KLHL5: variants seen among roughly 807,000 people sequenced by gnomAD.
The protein encoded by KLHL5 is kelch like family member 5.
Under a neutral mutation model 77.7 loss-of-function variants are expected in KLHL5, and 48 were observed. That is an observed-to-expected ratio of 0.62 (90% CI 0.49 to 0.79). KLHL5 has a LOEUF of 0.79. KLHL5 is among the 30% of genes least tolerant of loss of function. KLHL5 has a pLI of 0.00. For synonymous variants in KLHL5, 260 were observed against 297.0 expected, an observed-to-expected ratio of 0.88 and a Z score of 1.28; for missense variants, 723 against 859.7, an observed-to-expected ratio of 0.84 and a Z score of 1.99.
upstream of KLHL5, among the ~76,000 whole-genome samples, chr4:39,059,903 TAAAAC>T (rs1717270361): frequency 6.6e-6 from 1 of 151,906 alleles, no homozygotes; most frequent in African/African-American, 2.4e-5. Context: ...TGTCTTAAAA[TAAAAC>T]AAAATAAAAT....
chr4:39,091,005 T>A (rs1316243003), intron 5 of KLHL5, among the ~76,000 whole-genome samples: 3 of 110,744 alleles, frequency 2.7e-5, no homozygotes, highest in Non-Finnish European at 5.7e-5. Flanking sequence ...TTTTTTTTTT[T>A]AAGACAGAGT....
chr4:39,129,700 C>CT (rs1723725226), downstream of KLHL5, among the ~76,000 whole-genome samples: 1 of 152,176 alleles, frequency 6.6e-6, no homozygotes, highest in Non-Finnish European at 1.5e-5. The surrounding 1 kb of genome is among the most constrained non-coding windows in gnomAD (Gnocchi z 4.2). Context: ...ATTGTTCCAT[C>CT]TTTATGTCCT....
chr4:39,044,934 G>C (rs1258560591), upstream of KLHL5: 1 of 969,896 alleles, frequency 1.0e-6, no homozygotes, highest in Non-Finnish European at 1.2e-6. Context: ...CTCGCTCCGG[G>C]CCGGCCGGCG....
At chr4:39,051,966 T>C (rs1180993321) in intron 1 of KLHL5, among the ~76,000 whole-genome samples, 2 of 152,158 alleles carry the variant, frequency 1.3e-5, no homozygotes, top group African/African-American at 4.8e-5. Flanking sequence ...GTACCTAGTT[T>C]TACAGATGGC....
the KLHL5 span, among the ~76,000 whole-genome samples, chr4:39,134,666 T>A: frequency 6.6e-6 from 1 of 152,230 alleles, no homozygotes; most frequent in African/African-American, 2.4e-5. Flanking sequence ...GCCTATGGTG[T>A]GCCTGAATGG....
upstream of KLHL5, among the ~76,000 whole-genome samples, chr4:39,060,766 G>A (rs186924639): frequency 2.3e-4 from 35 of 152,308 alleles, 1 homozygote; most frequent in Admixed American, 1.9e-3. Flanking sequence ...ACAAAGGTGA[G>A]AGGAGAGGGG....
At chr4:39,127,593 A>G (rs946784921), downstream of KLHL5, among the ~76,000 whole-genome samples, 3 of 152,080 alleles carry the variant, frequency 2.0e-5, no homozygotes, top group Non-Finnish European at 4.4e-5. Flanking sequence ...AGCTGGGACT[A>G]CAGGCATGCA....
chr4:39,095,960 A>G (rs1181256847), intron 5 of KLHL5, among the ~76,000 whole-genome samples: 2 of 152,074 alleles, frequency 1.3e-5, no homozygotes, highest in Non-Finnish European at 2.9e-5. Flanking sequence ...GCTGCACACC[A>G]GGTTGTTTAT....
chr4:39,130,500 G>T (rs1041686019), downstream of KLHL5, among the ~76,000 whole-genome samples: 6 of 152,146 alleles, frequency 3.9e-5, no homozygotes, highest in Admixed American at 6.6e-5. Context: ...TTTATTTATG[G>T]CCAGTTTTGG....
chr4:39,132,607 C>G, the KLHL5 span, among the ~76,000 whole-genome samples: 1 of 144,422 alleles, frequency 6.9e-6, no homozygotes, highest in Non-Finnish European at 1.5e-5. Context: ...GACCTCATCT[C>G]AAAGAAAAAA....
At chr4:39,126,481 A>T (rs7694760), downstream of KLHL5, among the ~76,000 whole-genome samples, 79,771 of 151,884 alleles carry the variant, frequency 0.53, 21,549 homozygotes, top group Non-Finnish European at 0.59. Context: ...CCGTATTGAC[A>T]GATGTGGGTA....
chr4:39,128,289 G>C (rs975659802), downstream of KLHL5, among the ~76,000 whole-genome samples: 3 of 152,114 alleles, frequency 2.0e-5, no homozygotes, highest in Admixed American at 1.3e-4. Flanking sequence ...CGAGGTATTG[G>C]AGTGTGAGTT....
At chr4:39,112,618 G>A (rs924588568) in intron 8 of KLHL5, 4 of 191,574 alleles carry the variant, frequency 2.1e-5, no homozygotes, top group Non-Finnish European at 4.4e-5. Context: ...GCTCAGAGAA[G>A]GTTAGCTTCT....
chr4:39,086,269 G>C (rs1372649055), intron 4 of KLHL5, among the ~76,000 whole-genome samples: 1 of 152,060 alleles, frequency 6.6e-6, no homozygotes, highest in African/African-American at 2.4e-5. Context: ...AATGTCCTAG[G>C]TCCATTTTTT....
At chr4:39,140,397 G>A in the KLHL5 span, among the ~76,000 whole-genome samples, 1 of 152,148 alleles carries the variant, frequency 6.6e-6, no homozygotes, top group Non-Finnish European at 1.5e-5. Context: ...TTGTATTATG[G>A]TTTTATAGAT....
At chr4:39,092,695 TCCAAATACCA>T (rs1445082213) in intron 5 of KLHL5, among the ~76,000 whole-genome samples, 1 of 152,188 alleles carries the variant, frequency 6.6e-6, no homozygotes, top group Non-Finnish European at 1.5e-5. Context: ...AGTGCTAGTT[TCCAAATACCA>T]CCAACTTTTT....
chr4:39,053,784 GCTGAGTTTTAAAATGTC>G (rs1017176165), intron 1 of KLHL5, among the ~76,000 whole-genome samples: 3 of 152,136 alleles, frequency 2.0e-5, no homozygotes, highest in African/African-American at 7.2e-5. Context: ...TATTAATTTA[GCTGAGTTTTAAAATGTC>G]CCTTGCTTTA....
upstream of KLHL5, among the ~76,000 whole-genome samples, chr4:39,060,530 A>G (rs1717328927): frequency 6.6e-6 from 1 of 151,928 alleles, no homozygotes; most frequent in African/African-American, 2.4e-5. Flanking sequence ...TACTTAGAGT[A>G]ACTGAAGTGT....
At chr4:39,049,824 C>G (rs946200314) in intron 1 of KLHL5, among the ~76,000 whole-genome samples, 1 of 152,078 alleles carries the variant, frequency 6.6e-6, no homozygotes, top group African/African-American at 2.4e-5. Flanking sequence ...TTAATCCCAG[C>G]ACTTTGGTAG....
Sources: gnomAD v4.1 joint callset for allele counts (sites outside exome capture counted in the v4.1 genomes callset) on GRCh38, gnomAD v4.1.1 for gene constraint, Gnocchi (gnomAD v3.1) non-coding constraint, MANE v1.5 for transcripts, NCBI Gene and HGNC (gene_info 2026-07-23, HGNC 2026-07-21) for gene names.